PDE3A: variants seen among roughly 807,000 people sequenced by gnomAD.
PDE3A encodes the protein cGMP-inhibited 3',5'-cyclic phosphodiesterase 3A.
A neutral mutation model predicts 98.3 loss-of-function variants in PDE3A; 43 were observed. The ratio of observed to expected loss-of-function variants is 0.44; its 90% CI spans 0.34 to 0.56. The LOEUF is 0.56. Ranked by LOEUF, PDE3A falls within the 20% of genes least tolerant of loss-of-function variation. The pLI is 0.01. For synonymous variants in PDE3A, 663 were observed against 567.9 expected (o/e 1.17, Z -2.38); for missense variants, 1,427 against 1,440.7 (o/e 0.99, Z 0.15).
chr12:20,456,187 G>A (rs1439638717), intron 1 of PDE3A, among the ~76,000 whole-genome samples: 2 of 152,050 alleles, frequency 1.3e-5, no homozygotes, highest in Admixed American at 6.6e-5. Flanking sequence ...AGAGAGAATT[G>A]GAAGCATTTA....
At chr12:20,418,520 A>G (rs896580432) in intron 1 of PDE3A, among the ~76,000 whole-genome samples, 3 of 152,168 alleles carry the variant, frequency 2.0e-5, no homozygotes, top group Admixed American at 6.5e-5. Flanking sequence ...GTTTCATTTA[A>G]ATTGTATTTA....
At chr12:20,468,494 T>C (rs1424599938) in intron 1 of PDE3A, among the ~76,000 whole-genome samples, 1 of 152,164 alleles carries the variant, frequency 6.6e-6, no homozygotes, top group Non-Finnish European at 1.5e-5. Context: ...GCATTAGAAA[T>C]GTAGTAAATT....
intron 1 of PDE3A, among the ~76,000 whole-genome samples, chr12:20,385,990 T>A (rs1262853478): frequency 9.4e-6 from 1 of 106,162 alleles, no homozygotes; most frequent in African/African-American, 4.3e-5. Flanking sequence ...ATATAATATA[T>A]ATAAAATATA....
intron 6 of PDE3A, among the ~76,000 whole-genome samples, chr12:20,632,696 G>A (rs1404130662): frequency 6.6e-6 from 1 of 151,906 alleles, no homozygotes; most frequent in African/African-American, 2.4e-5. Flanking sequence ...GGTGGTTTAC[G>A]GTACATCTAG....
chr12:20,418,505 C>T (rs1944459643), intron 1 of PDE3A, among the ~76,000 whole-genome samples: 1 of 152,162 alleles, frequency 6.6e-6, no homozygotes, highest in African/African-American at 2.4e-5. Context: ...ATACTTTCCT[C>T]AGCCGTTTCA....
At chr12:20,591,356 A>G (rs2121377240) in intron 2 of PDE3A, among the ~76,000 whole-genome samples, 1 of 152,352 alleles carries the variant, frequency 6.6e-6, no homozygotes, top group East Asian at 1.9e-4. Flanking sequence ...TGAATAATCA[A>G]TTGTCAGGCT....
intron 6 of PDE3A, among the ~76,000 whole-genome samples, chr12:20,632,367 T>C (rs1439417788): frequency 6.6e-6 from 1 of 152,212 alleles, no homozygotes; most frequent in African/African-American, 2.4e-5. Flanking sequence ...AAAAAAATGA[T>C]GAGTTATTTA....
At chr12:20,392,531 AT>A (rs1943937311) in intron 1 of PDE3A, among the ~76,000 whole-genome samples, 1 of 18,786 alleles carries the variant, frequency 5.3e-5, no homozygotes, top group East Asian at 0.019. Context: ...AAATAAATAA[AT>A]ACATAAATAA....
chr12:20,574,156 C>A (rs981364818), intron 2 of PDE3A, among the ~76,000 whole-genome samples: 1 of 152,080 alleles, frequency 6.6e-6, no homozygotes, highest in Non-Finnish European at 1.5e-5. Flanking sequence ...CTTTGGAAGA[C>A]TTCTAAAAGT....
intron 1 of PDE3A, among the ~76,000 whole-genome samples, chr12:20,477,250 A>G (rs1945547108): frequency 6.6e-6 from 1 of 152,218 alleles, no homozygotes; most frequent in Non-Finnish European, 1.5e-5. Context: ...TTTGACTAAG[A>G]TTGCCTGTGA....
rs1047201316 is a variant in PDE3A, at chr12:20,552,017, C to A, written c.961-4643C>A. 1.2e-6 allele frequency: 2 copies of A among 1,612,310 alleles called. No individual in the cohort carries two copies. Among genetic ancestry groups the A allele is most frequent in the African/African-American group, 2.7e-5 (2 of 74,872 alleles). ...GACGGAGCGTACTCCCTAGTCCTGGCGGGGGGCTACGAGGATGACGTGGAC... is the reference window on the plus strand; with the variant it reads ...GACGGAGCGTACTCCCTAGTCCTGGAGGGGGGCTACGAGGATGACGTGGAC... On this transcript the variant is annotated intron_variant, in intron 1 of 15. Coordinates refer to ENST00000359062, the MANE Select transcript of PDE3A (RefSeq NM_000921.5). This position sits in a 1 kb window ranked among gnomAD's most constrained non-coding sequence, Gnocchi z 5.1.
intron 2 of PDE3A, among the ~76,000 whole-genome samples, chr12:20,599,017 G>A (rs747986445): frequency 1.3e-5 from 2 of 152,160 alleles, no homozygotes; most frequent in Non-Finnish European, 2.9e-5. Flanking sequence ...CCAACTGATA[G>A]AATTAGAAAT....
chr12:20,450,454 T>C (rs959009611), intron 1 of PDE3A, among the ~76,000 whole-genome samples: 17 of 152,226 alleles, frequency 1.1e-4, no homozygotes, highest in African/African-American at 3.4e-4. Context: ...ATATTTCTAT[T>C]GAGCCCACTG....
intron 1 of PDE3A, among the ~76,000 whole-genome samples, chr12:20,450,352 G>C (rs953009718): frequency 9.2e-5 from 14 of 152,130 alleles, no homozygotes; most frequent in African/African-American, 3.4e-4. Flanking sequence ...CCTTTCCCTT[G>C]ACTTTTGGGA....
At chr12:20,539,000 G>T (rs1941826142) in intron 1 of PDE3A, among the ~76,000 whole-genome samples, 1 of 151,504 alleles carries the variant, frequency 6.6e-6, no homozygotes, top group East Asian at 1.9e-4. Flanking sequence ...TAAAAAGCAT[G>T]TATTGAATCC....
chr12:20,645,119 C>CT (rs1944746061), intron 10 of PDE3A, among the ~76,000 whole-genome samples: 1 of 151,988 alleles, frequency 6.6e-6, no homozygotes, highest in Non-Finnish European at 1.5e-5. Context: ...GAGCTCCTGA[C>CT]TTCAAATGAT....
At position 20,467,628 on chromosome 12, in the gene PDE3A, A is replaced by G. The variant is rs543935744; in HGVS notation, c.961-89032A>G. Among the ~76,000 whole-genome samples, 273 of 152,204 alleles carry G rather than the reference A, an allele frequency of 1.8e-3. 2 individuals are homozygous for G. The highest frequency in any genetic ancestry group is 6.3e-3 in the African/African-American group (261 of 41,514). ...CTACTTTATTCTGAATATTTGAAGT[A>G]TTTAGACAGTAAAGAGTTGGTCAAT... is the stretch of plus-strand genomic sequence containing the variant. On this transcript the variant is annotated intron_variant, in intron 1 of 15. Coordinates refer to ENST00000359062, the MANE Select transcript of PDE3A (RefSeq NM_000921.5).
chr12:20,652,549 T>C (rs1592149465), intron 14 of PDE3A, among the ~76,000 whole-genome samples: 1 of 152,230 alleles, frequency 6.6e-6, no homozygotes, highest in East Asian at 1.9e-4. Context: ...ATGTGTCTTT[T>C]GGCTGCATAA....
rs1235559920 is a variant in PDE3A at position 20,613,841 on chromosome 12, T to TAATA, written c.1269+146_1269+149dup. The TAATA allele has an allele frequency of 2.4e-3, 1,469 of 621,226 alleles. 17 individuals are homozygous for TAATA. In the African/African-American group the frequency reaches 0.025, roughly 11 times the overall value. The allele number at this position is 621,226 out of a possible 1,614,324, so 38.5% of individuals were successfully genotyped here. ...AATGTGTTGATCGTGGTGACAGAAG[T>TAATA]AATAAATATTTAAACATAAAGACTT... On this transcript the variant is annotated intron_variant, in intron 3 of 15. Transcript: ENST00000359062.
Sources: allele counts gnomAD v4.1 joint callset (sites outside exome capture counted in the v4.1 genomes callset), GRCh38; gene constraint gnomAD v4.1.1; non-coding constraint Gnocchi (gnomAD v3.1); transcripts MANE v1.5; gene names NCBI Gene and HGNC (gene_info 2026-07-23, HGNC 2026-07-21).